SH3KBP1: variants seen among roughly 807,000 people sequenced by gnomAD.
SH3KBP1 encodes SH3 domain containing kinase binding protein 1.
Under a neutral mutation model 50.1 loss-of-function variants are expected in SH3KBP1, and 8 were observed. The ratio of observed to expected loss-of-function variants is 0.16; its 90% confidence interval spans 0.09 to 0.29. The LOEUF is 0.29. SH3KBP1 is among the 10% of genes least tolerant of loss of function. SH3KBP1 has a pLI of 1.00. For synonymous variants in SH3KBP1, 227 were observed against 218.6 expected, an observed-to-expected ratio of 1.04 and a Z score of -0.34; for missense variants, 377 against 535.2, an observed-to-expected ratio of 0.70 and a Z score of 2.92.
At chrX:19,681,787 C>T (rs1035121982) in intron 6 of SH3KBP1, among the ~76,000 whole-genome samples, 3 of 111,276 alleles carry the variant, frequency 2.7e-5, no homozygotes, top group South Asian at 3.8e-4. Flanking sequence ...CCAGCAGTAA[C>T]GAGGGTCGGG....
In SH3KBP1 at chrX:19,746,551, T is replaced by A. The variant is rs918638332; in HGVS notation, c.163-110A>T. On this transcript the variant is annotated intron_variant, in intron 2 of 17. Transcript: ENST00000397821. The stretch of plus-strand genomic sequence containing the variant: ...GAAATGAACTATAGCAATGCCAACT[T>A]AGCATAACATCATGTTTTAAAAACA... 31 of 697,684 alleles carry A rather than the reference T, an allele frequency of 4.4e-5. No homozygotes were observed. In the African/African-American group the frequency reaches 5.8e-4, roughly 13 times the overall value. 57.5% of individuals were successfully genotyped at this position (697,684 alleles called of 1,213,427 possible).
At chrX:19,758,677 G>A (rs566000141) in intron 2 of SH3KBP1, among the ~76,000 whole-genome samples, 1 of 111,394 alleles carries the variant, frequency 9.0e-6, no homozygotes, top group African/African-American at 3.3e-5. Flanking sequence ...GTTAAATCAC[G>A]TGCTAGATAA....
intron 2 of SH3KBP1, among the ~76,000 whole-genome samples, chrX:19,832,149 C>A (rs1166861300): frequency 8.9e-6 from 1 of 112,147 alleles, no homozygotes; most frequent in Non-Finnish European, 1.9e-5. Flanking sequence ...TCCTTTCTGC[C>A]CTAGGTAGAG....
chrX:19,540,050 G>A (rs886364149), intron 16 of SH3KBP1, among the ~76,000 whole-genome samples: 1 of 111,502 alleles, frequency 9.0e-6, no homozygotes, highest in South Asian at 3.8e-4. Flanking sequence ...TGATGGTCCT[G>A]TTCAGAAGGC....
chrX:19,584,365 T>C (rs1364908866), intron 12 of SH3KBP1, among the ~76,000 whole-genome samples: 2 of 104,624 alleles, frequency 1.9e-5, no homozygotes, highest in East Asian at 5.8e-4. Flanking sequence ...GGTCTCACTC[T>C]GTTGCCCAGG....
intron 2 of SH3KBP1, chrX:19,799,707 T>C: frequency 8.3e-7 from 1 of 1,208,841 alleles, no homozygotes; most frequent in Non-Finnish European, 1.1e-6. Flanking sequence ...GAAATGGTAA[T>C]TTCTGGCTGT....
intron 3 of SH3KBP1, among the ~76,000 whole-genome samples, chrX:19,733,519 T>C (rs1322418100): frequency 1.8e-5 from 2 of 110,574 alleles, no homozygotes; most frequent in Non-Finnish European, 3.8e-5. Flanking sequence ...AATCAATTTG[T>C]ATACTAACCT....
At chrX:19,864,690 C>T (rs768846465) in intron 1 of SH3KBP1, among the ~76,000 whole-genome samples, 7 of 112,263 alleles carry the variant, frequency 6.2e-5, no homozygotes, top group Non-Finnish European at 1.1e-4. Flanking sequence ...GTGAGACCCA[C>T]ATCAAACTTC....
intron 12 of SH3KBP1, among the ~76,000 whole-genome samples, chrX:19,582,488 C>A (rs766078246): frequency 8.9e-6 from 1 of 112,194 alleles, no homozygotes; most frequent in South Asian, 3.7e-4. Context: ...TTCATTCATT[C>A]ATCTTCAGTC....
chrX:19,636,247 T>A (rs1201885322), intron 7 of SH3KBP1, among the ~76,000 whole-genome samples: 2 of 110,889 alleles, frequency 1.8e-5, no homozygotes, highest in Non-Finnish European at 3.8e-5. Flanking sequence ...TGAATTAGCA[T>A]AAGACTGAAA....
chrX:19,683,682 AAAG>A, intron 6 of SH3KBP1, 138 bp downstream of exon 6: 1 of 535,554 alleles, frequency 1.9e-6, no homozygotes. Flanking sequence ...GAGAGCTAAA[AAAG>A]AAGACAGGAC....
chrX:19,794,674 G>T (rs960213393), intron 2 of SH3KBP1, among the ~76,000 whole-genome samples: 1 of 111,438 alleles, frequency 9.0e-6, no homozygotes, highest in Non-Finnish European at 1.9e-5. Flanking sequence ...CTGCACTCCA[G>T]CCTGGGCGAC....
chrX:19,857,999 C>G (rs958505043), intron 1 of SH3KBP1, among the ~76,000 whole-genome samples: 2 of 104,248 alleles, frequency 1.9e-5, no homozygotes, highest in African/African-American at 7.0e-5. Flanking sequence ...GCCAACATGG[C>G]GAAACCCTGT....
At chrX:19,807,412 A>T (rs978211430) in intron 2 of SH3KBP1, among the ~76,000 whole-genome samples, 1 of 111,223 alleles carries the variant, frequency 9.0e-6, no homozygotes, top group African/African-American at 3.3e-5. Flanking sequence ...AACCTTGTTC[A>T]CGCCTCTGGG....
chrX:19,584,572 A>C (rs953440773), intron 12 of SH3KBP1, among the ~76,000 whole-genome samples: 1 of 109,996 alleles, frequency 9.1e-6, no homozygotes, highest in Admixed American at 9.9e-5. Flanking sequence ...GCCTCAAGTT[A>C]TCCTTCCACC....
At chrX:19,666,350 A>G (rs1332656703) in intron 6 of SH3KBP1, among the ~76,000 whole-genome samples, 1 of 111,305 alleles carries the variant, frequency 9.0e-6, no homozygotes, top group Non-Finnish European at 1.9e-5. Flanking sequence ...CTATAGATTC[A>G]GGTAAGCGGA....
At chrX:19,615,917 CTTT>C (rs778419717) in intron 8 of SH3KBP1, among the ~76,000 whole-genome samples, 3 of 96,665 alleles carry the variant, frequency 3.1e-5, no homozygotes, top group African/African-American at 3.8e-5. Context: ...CAGTCATTCA[CTTT>C]TTTTTTTTTT....
chrX:19,706,865 C>T lies in SH3KBP1; in HGVS notation c.390+16G>A, dbSNP rs754268340. On this transcript the variant is annotated intron_variant, in intron 4 of 17. Transcript: ENST00000397821. ...GCCCATTCGAGGCCATTGCACTGCC[C>T]GGCCAGGTCGCTTACCTCTCCTACC... 2.9e-5 allele frequency: 34 copies of T among 1,179,173 alleles called. No homozygotes were observed. In the South Asian group the frequency reaches 4.1e-4, roughly 14 times the overall value.
intron 2 of SH3KBP1, among the ~76,000 whole-genome samples, chrX:19,791,802 C>T (rs1243852662): frequency 9.0e-6 from 1 of 111,250 alleles, no homozygotes; most frequent in African/African-American, 3.3e-5. Flanking sequence ...GAACAAGGCA[C>T]GAAACCCAAA....
Sources: allele counts gnomAD v4.1 joint callset (sites outside exome capture counted in the v4.1 genomes callset), GRCh38; gene constraint gnomAD v4.1.1; transcripts MANE v1.5; gene names NCBI Gene and HGNC (gene_info 2026-07-23, HGNC 2026-07-21).